GCNT3: variants seen among roughly 807,000 people sequenced by gnomAD.
GCNT3 encodes the protein glucosaminyl (N-acetyl) transferase 3, mucin type.
For missense variants in GCNT3, 708 were observed against 530.3 expected (o/e 1.34, Z -3.29); for synonymous variants, 269 against 195.2 (o/e 1.38, Z -3.15).
intron 1 of GCNT3, among the ~76,000 whole-genome samples, chr15:59,614,234 A>G (rs2082709440): frequency 6.6e-6 from 1 of 152,176 alleles, no homozygotes; most frequent in South Asian, 2.1e-4. Context: ...ATACTCAACA[A>G]TGGAAAGTCA....
chr15:59,619,571 C>T lies in GCNT3; in HGVS notation c.*16C>T, dbSNP rs146610766. ...TGAACTTTGAGACACACTATGAGAG[C>T]GTTGCTACCTGTGGGGCAAGAGCAT... is the stretch of plus-strand genomic sequence containing the variant. On this transcript the variant is annotated 3_prime_UTR_variant, in exon 3 of 3. Transcript: ENST00000396065. The T allele has an allele frequency of 9.8e-5, 143 of 1,464,692 alleles. 1 individual carries two copies. The Middle Eastern group carries it at 1.1e-3, about 11-fold the overall frequency. The allele number at this position is 1,464,692 out of a possible 1,614,324, so 90.7% of individuals were successfully genotyped here.
intron 1 of GCNT3, among the ~76,000 whole-genome samples, chr15:59,616,117 T>A: frequency 6.6e-6 from 1 of 152,124 alleles, no homozygotes; most frequent in East Asian, 1.9e-4. Context: ...CTCATAGACA[T>A]TAGTGAGGGA....
chr15:59,615,616 C>G (rs1434939325), intron 1 of GCNT3, among the ~76,000 whole-genome samples: 2 of 151,934 alleles, frequency 1.3e-5, no homozygotes, highest in Non-Finnish European at 2.9e-5. Context: ...GGCGTGGTGG[C>G]TCACTCCTGT....
chr15:59,618,109 A>T, intron 2 of GCNT3, 70 bp from the exon 3 acceptor site: 1 of 604,652 alleles, frequency 1.7e-6, no homozygotes, highest in South Asian at 2.8e-5. Flanking sequence ...TTTTGCCATC[A>T]GTTTGGAATT....
At chr15:59,615,590 T>C (rs1306024165) in intron 1 of GCNT3, among the ~76,000 whole-genome samples, 33 of 152,092 alleles carry the variant, frequency 2.2e-4, no homozygotes, top group African/African-American at 7.2e-4. Flanking sequence ...ATATTAAATT[T>C]GCCCTGTTCA....
intron 1 of GCNT3, among the ~76,000 whole-genome samples, chr15:59,612,556 G>A (rs1031118361): frequency 1.3e-5 from 2 of 152,160 alleles, no homozygotes; most frequent in Admixed American, 6.6e-5. Context: ...GGGGTAAAAG[G>A]AACCCTGTGA....
Position 59,618,450 on chromosome 15 carries a change from C to A in GCNT3, c.212C>A (p.Ser71Ter). The change falls in exon 3 of 3, where the codon TCA becomes TAA. Residue 71 changes from serine (S) to a stop codon, truncating the protein, a stop_gained. Transcript: ENST00000396065. LOFTEE classifies it low-confidence loss of function (END_TRUNC). The part of the protein sequence containing the change: ...KLPAKRSINC[S>*]GVTRGDQEAV... ...CCAGCAAAGAGGTCTATCAACTGTT[C>A]AGGGGTCACCCGAGGGGACCAAGAG... 1 of 1,613,854 alleles carries A rather than the reference C, an allele frequency of 6.2e-7. No homozygotes were observed. Among genetic ancestry groups the A allele is most frequent in the Non-Finnish European group, 8.5e-7 (1 of 1,179,784 alleles).
At chr15:59,613,150 A>G (rs893703461) in intron 1 of GCNT3, among the ~76,000 whole-genome samples, 5 of 152,094 alleles carry the variant, frequency 3.3e-5, no homozygotes, top group Non-Finnish European at 5.9e-5. Flanking sequence ...AACAAATATT[A>G]GCATTAGCTT....
chr15:59,612,186 C>G (rs2082699336), intron 1 of GCNT3, among the ~76,000 whole-genome samples: 1 of 152,156 alleles, frequency 6.6e-6, no homozygotes, highest in African/African-American at 2.4e-5. Flanking sequence ...TCTCTGTTTC[C>G]CATGACTGGA....
rs778450762 is a variant in GCNT3 at position 59,618,354 on chromosome 15, A to C, written c.116A>C (p.His39Pro). The C allele has an allele frequency of 2.5e-6, 4 of 1,613,696 alleles. No individual in the cohort carries two copies. The African/African-American group carries it at 5.3e-5, about 22-fold the overall frequency. ...LSFRLKCDSD[H>P]LGLESRESQS... Reference sequence around the variant, plus strand: ...TTCAGGTTGAAGTGTGACTCTGACCACTTGGGTCTGGAGTCCAGGGAATCT... The same window carrying C: ...TTCAGGTTGAAGTGTGACTCTGACCCCTTGGGTCTGGAGTCCAGGGAATCT... Residue 39 changes from histidine (H) to proline (P), a missense_variant, in exon 3 of 3, where the codon CAC becomes CCC. Physicochemically the swap from His to Pro is moderately conservative, Grantham distance 77 (BLOSUM62 -2). Coordinates refer to ENST00000396065, the MANE Select transcript of GCNT3 (RefSeq NM_004751.3).
chr15:59,619,010 C>G lies in GCNT3; in HGVS notation c.772C>G (p.Pro258Ala). Residue 258 changes from proline (P) to alanine (A), a missense_variant, in exon 3 of 3, where the codon CCT becomes GCT. Physicochemically the swap from Pro to Ala is conservative, Grantham distance 27. Coordinates refer to ENST00000396065, the MANE Select transcript of GCNT3 (RefSeq NM_004751.3). ...GAATAGCATGGAGTCAGAGGTACCT[C>G]CTAAGCACAAAGAAACCCGCTGGAA... is the stretch of plus-strand genomic sequence containing the variant. ...GRNSMESEVPPKHKETRWKYH... is the reference protein window; with the variant it reads ...GRNSMESEVPAKHKETRWKYH... 1 of 1,614,144 alleles carries G rather than the reference C, an allele frequency of 6.2e-7. No homozygotes were observed. The highest frequency in any genetic ancestry group is 1.1e-5 in the South Asian group (1 of 91,078).
rs1370645880 is a variant in GCNT3 at position 59,620,585 on chromosome 15, G to T, written c.*1030G>T. 1 of 167,022 alleles carries T rather than the reference G, an allele frequency of 6.0e-6. No individual in the cohort carries two copies. The highest frequency in any genetic ancestry group is 1.5e-5 in the Non-Finnish European group (1 of 68,118). 10.3% of individuals were successfully genotyped at this position (167,022 alleles called of 1,614,324 possible). On this transcript the variant is annotated 3_prime_UTR_variant, in exon 3 of 3. Coordinates refer to ENST00000396065, the MANE Select transcript of GCNT3 (RefSeq NM_004751.3). ...ATTTTTCTGTAAAGGAAAAGGCAGG[G>T]TGATTTAACCAGTTTGACCACCTTT...
chr15:59,612,165 C>T (rs76746399), intron 1 of GCNT3, among the ~76,000 whole-genome samples, 184 bp downstream of exon 1: 1 of 152,150 alleles, frequency 6.6e-6, no homozygotes, highest in Non-Finnish European at 1.5e-5. Flanking sequence ...CTTGATGACC[C>T]TAGCTTAGTT....
In GCNT3 at chr15:59,619,024, A is replaced by AACCCGCTG; in HGVS notation, c.787_794dup (p.Trp265Ter). ...CAGAGGTACCTCCTAAGCACAAAGA[A>AACCCGCTG]ACCCGCTGGAAATATCACTTTGAGG... On this transcript the variant is annotated frameshift_variant, in exon 3 of 3. Transcript: ENST00000396065. LOFTEE classifies it low-confidence loss of function (END_TRUNC). 1 of 1,614,182 alleles carries AACCCGCTG rather than the reference A, an allele frequency of 6.2e-7. No individual in the cohort carries two copies.
chr15:59,619,576 C>A lies in GCNT3; in HGVS notation c.*21C>A, dbSNP rs772261711. ...TTTGAGACACACTATGAGAGCGTTGCTACCTGTGGGGCAAGAGCATGTACA... is the reference window on the plus strand; with the variant it reads ...TTTGAGACACACTATGAGAGCGTTGATACCTGTGGGGCAAGAGCATGTACA... On this transcript the variant is annotated 3_prime_UTR_variant, in exon 3 of 3. Coordinates refer to ENST00000396065, the MANE Select transcript of GCNT3 (RefSeq NM_004751.3). 9 of 1,443,318 alleles carry A rather than the reference C, an allele frequency of 6.2e-6. No homozygotes were observed. Among genetic ancestry groups the A allele is most frequent in the Middle Eastern group, 1.8e-4 (1 of 5,612 alleles). 89.4% of individuals were successfully genotyped at this position (1,443,318 alleles called of 1,614,324 possible).
Position 59,619,737 on chromosome 15 carries a change from G to A in GCNT3, c.*182G>A. 1 of 588,250 alleles carries A rather than the reference G, an allele frequency of 1.7e-6. No homozygotes were observed. The highest frequency in any genetic ancestry group is 3.1e-6 in the Non-Finnish European group (1 of 319,536). 36.4% of individuals were successfully genotyped at this position (588,250 alleles called of 1,614,324 possible). Reference sequence around the variant, plus strand: ...TTGCCTTGCAAATTGCTGCCTGGGTGAATGCTGCTTGTTCTCTCACCCCTA... The same window carrying A: ...TTGCCTTGCAAATTGCTGCCTGGGTAAATGCTGCTTGTTCTCTCACCCCTA... On this transcript the variant is annotated 3_prime_UTR_variant, in exon 3 of 3. Coordinates refer to ENST00000396065, the MANE Select transcript of GCNT3 (RefSeq NM_004751.3).
At position 59,618,470 on chromosome 15, in the gene GCNT3, C is replaced by G; in HGVS notation, c.232C>G (p.Gln78Glu). Residue 78 changes from glutamine (Q) to glutamate (E), a missense_variant, in exon 3 of 3, where the codon CAA becomes GAA. By Grantham distance (29) the Gln-to-Glu change is conservative. Transcript: ENST00000396065. ...INCSGVTRGD[Q>E]EAVLQAILNN... Reference sequence around the variant, plus strand: ...CTGTTCAGGGGTCACCCGAGGGGACCAAGAGGCAGTGCTTCAGGCTATTCT... The same window carrying G: ...CTGTTCAGGGGTCACCCGAGGGGACGAAGAGGCAGTGCTTCAGGCTATTCT... 6.2e-7 allele frequency: 1 copy of G among 1,614,040 alleles called. No homozygotes were observed. Among genetic ancestry groups the G allele is most frequent in the Non-Finnish European group, 8.5e-7 (1 of 1,179,942 alleles).
At chr15:59,614,455 G>C (rs949140176) in intron 1 of GCNT3, among the ~76,000 whole-genome samples, 2 of 151,410 alleles carry the variant, frequency 1.3e-5, no homozygotes, top group African/African-American at 2.5e-5. Context: ...CATAGACATA[G>C]CAGCCCTGAG....
rs2141938358 is a variant in GCNT3 at position 59,618,577 on chromosome 15, C to G, written c.339C>G (p.Phe113Leu). 1 of 1,614,044 alleles carries G rather than the reference C, an allele frequency of 6.2e-7. No homozygotes were observed. The highest frequency in any genetic ancestry group is 8.5e-7 in the Non-Finnish European group (1 of 1,179,960). The change falls in exon 3 of 3, where the codon TTC becomes TTG. Residue 113 changes from phenylalanine (F) to leucine (L), a missense_variant. By Grantham distance (22) the Phe-to-Leu change is conservative (BLOSUM62 0). Transcript: ENST00000396065. ...YLSLTRDCEHFKAERKFIQFP... is the reference protein window; with the variant it reads ...YLSLTRDCEHLKAERKFIQFP... ...CCCTCACCAGAGACTGTGAGCACTT[C>G]AAGGCTGAAAGGAAGTTCATACAGT... is the stretch of plus-strand genomic sequence containing the variant.
Sources: gnomAD v4.1 joint callset for allele counts (sites outside exome capture counted in the v4.1 genomes callset) on GRCh38, gnomAD v4.1.1 for gene constraint, MANE v1.5 for transcripts, NCBI Gene and HGNC (gene_info 2026-07-23, HGNC 2026-07-21) for gene names.